The following IL17D variants were observed in gnomAD, a reference collection of about 807,000 sequenced individuals.
The protein encoded by IL17D is interleukin 17D.
Under a neutral mutation model 5.7 loss-of-function variants are expected in IL17D, and 10 were observed. That is an observed-to-expected ratio of 1.75 (90% CI 1.08 to 2.97). The LOEUF is 2.97. Among genes scored for constraint, IL17D ranks in the 30% most tolerant of loss-of-function variants. The pLI is 0.00. For missense variants in IL17D, 354 were observed against 292.7 expected (o/e 1.21, Z -1.53); for synonymous variants, 172 against 141.7 (o/e 1.21, Z -1.52).
intron 1 of IL17D, among the ~76,000 whole-genome samples, chr13:20,706,306 C>T (rs753519621): frequency 6.6e-5 from 10 of 152,260 alleles, no homozygotes; most frequent in Non-Finnish European, 1.2e-4. Flanking sequence ...CTTTCTCTAA[C>T]CTCGTGTTAT....
upstream of IL17D, chr13:20,702,116 A>G: frequency 6.6e-6 from 1 of 152,242 alleles, no homozygotes; most frequent in East Asian, 1.9e-4. Context: ...TCCAATAAAA[A>G]ATAAGCAGTA....
Position 20,721,798 on chromosome 13 carries a change from C to T in IL17D, c.453C>T (p.Gly151=), listed in dbSNP as rs374009263. The change falls in exon 2 of 2, where the codon GGC becomes GGT. Residue 151 remains glycine, a synonymous_variant. Coordinates refer to ENST00000682841, the MANE Select transcript of IL17D (RefSeq NM_001385224.1). ...VVLRRTPACA[G]GRSVYTEAYV... is the part of the protein sequence containing the mutation. ...TGCGCCGCACCCCCGCCTGCGCCGG[C>T]GGCCGTTCCGTCTACACCGAGGCCT... 51 of 1,609,704 alleles carry T rather than the reference C, an allele frequency of 3.2e-5. No individual in the cohort carries two copies. The African/African-American group carries it at 5.3e-4, about 17-fold the overall frequency.
chr13:20,713,631 A>G (rs1420452354), intron 1 of IL17D: 8 of 152,200 alleles, frequency 5.3e-5, no homozygotes, highest in Non-Finnish European at 8.8e-5. Flanking sequence ...AGGGATGATG[A>G]TAATATTTCA....
intron 1 of IL17D, among the ~76,000 whole-genome samples, chr13:20,720,676 C>A (rs942078809): frequency 2.6e-5 from 4 of 152,170 alleles, no homozygotes; most frequent in African/African-American, 7.2e-5. Context: ...CGACTGGAAG[C>A]CTTGGAGTCA....
rs2058746144 is a variant in IL17D at position 20,722,612 on chromosome 13, T to G, written c.*658T>G. On this transcript the variant is annotated 3_prime_UTR_variant, in exon 2 of 2. Coordinates refer to ENST00000682841, the MANE Select transcript of IL17D (RefSeq NM_001385224.1). ...TGACTGATGAAATGGACACGTCTCATCTGACCCACTCTTCCTTCCACTGAA... is the reference window on the plus strand; with the variant it reads ...TGACTGATGAAATGGACACGTCTCAGCTGACCCACTCTTCCTTCCACTGAA... 6.6e-6 allele frequency: 1 copy of G among 152,166 alleles called. No individual in the cohort carries two copies. The highest frequency in any genetic ancestry group is 2.4e-5 in the African/African-American group (1 of 41,444). The allele number at this position is 152,166 out of a possible 1,614,324, so 9.4% of individuals were successfully genotyped here.
intron 1 of IL17D, among the ~76,000 whole-genome samples, chr13:20,706,492 A>T (rs879644025): frequency 2.6e-5 from 4 of 152,248 alleles, no homozygotes; most frequent in Non-Finnish European, 5.9e-5. Context: ...ATAGCCTCCC[A>T]AAGGCATGTC....
intron 1 of IL17D, among the ~76,000 whole-genome samples, chr13:20,706,420 T>C (rs143905846): frequency 1.3e-5 from 2 of 152,354 alleles, no homozygotes; most frequent in African/African-American, 4.8e-5. Context: ...CTATAGCAGA[T>C]TCGAACTCTC....
intron 1 of IL17D, among the ~76,000 whole-genome samples, chr13:20,718,617 GC>G (rs137964252): frequency 0.014 from 1,044 of 76,422 alleles, 38 homozygotes; most frequent in African/African-American, 0.056. Flanking sequence ...AGACACACCT[GC>G]CCCCCACACA....
chr13:20,719,099 C>T (rs1008256091), intron 1 of IL17D, among the ~76,000 whole-genome samples: 8 of 147,564 alleles, frequency 5.4e-5, no homozygotes, highest in South Asian at 2.2e-4. Flanking sequence ...ATGCTCACAC[C>T]TGCCCATGCT....
At chr13:20,719,810 T>C (rs1289465369) in intron 1 of IL17D, among the ~76,000 whole-genome samples, 1 of 152,138 alleles carries the variant, frequency 6.6e-6, no homozygotes, top group African/African-American at 2.4e-5. Context: ...GTCCCCGAGT[T>C]TGGGTTGCAT....
chr13:20,704,235 C>G lies in IL17D; in HGVS notation c.234C>G (p.Ala78=). The change falls in exon 1 of 2, where the codon GCC becomes GCG. Residue 78 remains alanine, a synonymous_variant. Coordinates refer to ENST00000682841, the MANE Select transcript of IL17D (RefSeq NM_001385224.1). ...GCTGCCCGGCAGGGGGCAGGCCCGC[C>G]GACCGCCGCTTCCGGCCGCCCACCA... The part of the protein sequence containing the change: ...NASCPAGGRP[A]DRRFRPPTNL... 5.3e-6 allele frequency: 7 copies of G among 1,321,540 alleles called. No individual in the cohort carries two copies. Among genetic ancestry groups the G allele is most frequent in the African/African-American group, 1.6e-5 (1 of 62,698 alleles). 81.9% of individuals were successfully genotyped at this position (1,321,540 alleles called of 1,614,324 possible). A position where few individuals can be genotyped will look rare whatever the true frequency, so the allele number is the denominator to read the frequency against.
chr13:20,715,278 T>C (rs1416890728), intron 1 of IL17D, among the ~76,000 whole-genome samples: 1 of 151,828 alleles, frequency 6.6e-6, no homozygotes, highest in East Asian at 1.9e-4. Context: ...GGGGGGACAC[T>C]GATTACTATT....
Position 20,718,523 on chromosome 13 carries a change from C to T in IL17D, c.291-3113C>T, listed in dbSNP as rs1172868268. On this transcript the variant is annotated intron_variant, in intron 1 of 1. Coordinates refer to ENST00000682841, the MANE Select transcript of IL17D (RefSeq NM_001385224.1). ...CTGCCCACACTCAGACACACTTACC[C>T]CCCACCCACACACCCGCCCATGCTC... Among the ~76,000 whole-genome samples the T allele has an allele frequency of 4.3e-4, 59 of 138,138 alleles. 2 individuals carry two copies. Among genetic ancestry groups the T allele is most frequent in the Admixed American group, 1.3e-3 (18 of 13,830 alleles). 90.6% of individuals were successfully genotyped at this position (138,138 alleles called of 152,430 possible).
At chr13:20,707,426 G>A (rs2058599115) in intron 1 of IL17D, among the ~76,000 whole-genome samples, 1 of 123,470 alleles carries the variant, frequency 8.1e-6, no homozygotes, top group Non-Finnish European at 1.6e-5. Context: ...GGGCAACAGA[G>A]TGAGAACTTG....
At chr13:20,707,112 C>A (rs1364473220) in intron 1 of IL17D, among the ~76,000 whole-genome samples, 1 of 152,162 alleles carries the variant, frequency 6.6e-6, no homozygotes, top group Non-Finnish European at 1.5e-5. Context: ...AGAGCCCTCT[C>A]TGCCCTCCTC....
Position 20,721,621 on chromosome 13 carries a change from G to T in IL17D, c.291-15G>T, listed in dbSNP as rs749470453. The stretch of plus-strand genomic sequence containing the variant: ...TGCCCCCAGGCGTGACCTCACCCGT[G>T]CTCTCTCCCTGCAGAATCTCCTACG... On this transcript the variant is annotated splice_polypyrimidine_tract_variant and intron_variant, in intron 1 of 1. Transcript: ENST00000682841. The T allele has an allele frequency of 4.4e-6, 7 of 1,576,388 alleles. No individual in the cohort carries two copies. The African/African-American group carries it at 5.4e-5, about 12-fold the overall frequency.
upstream of IL17D, chr13:20,702,686 T>C (rs1295322978): frequency 1.3e-5 from 2 of 152,098 alleles, no homozygotes; most frequent in Non-Finnish European, 2.9e-5. Flanking sequence ...TATCACGGAG[T>C]AGGAACTCTC....
chr13:20,721,002 CAG>C (rs1365822214), intron 1 of IL17D, among the ~76,000 whole-genome samples: 1 of 151,998 alleles, frequency 6.6e-6, no homozygotes, highest in Non-Finnish European at 1.5e-5. Flanking sequence ...TCTAGTCCCT[CAG>C]ACACAAACGG....
intron 1 of IL17D, among the ~76,000 whole-genome samples, chr13:20,709,375 T>C (rs2058616734): frequency 6.6e-6 from 1 of 152,158 alleles, no homozygotes; most frequent in South Asian, 2.1e-4. Flanking sequence ...ACTGCTGCAA[T>C]GGCAAGAGAT....
Sources: gnomAD v4.1 joint callset for allele counts (sites outside exome capture counted in the v4.1 genomes callset) on GRCh38, gnomAD v4.1.1 for gene constraint, MANE v1.5 for transcripts, NCBI Gene and HGNC (gene_info 2026-07-23, HGNC 2026-07-21) for gene names.